CDYL: variants seen among roughly 807,000 people sequenced by gnomAD.
CDYL encodes chromodomain Y-like protein.
CDYL carries 8 observed loss-of-function variants against 47.3 expected under a neutral mutation model. That is an observed-to-expected ratio of 0.17 (90% confidence interval 0.10 to 0.31). CDYL has a LOEUF of 0.31. Ranked by LOEUF, CDYL falls within the 10% of genes least tolerant of loss-of-function variation. The probability of loss-of-function intolerance (pLI) is 1.00; values close to 1 mark genes in which losing one functional copy is unlikely to be tolerated. For synonymous variants in CDYL, 266 were observed against 265.0 expected (o/e 1.00, Z -0.04); for missense variants, 471 against 701.4 (o/e 0.67, Z 3.71).
At chr6:4,737,747 G>A (rs890223144) in intron 3 of CDYL, among the ~76,000 whole-genome samples, 4 of 152,012 alleles carry the variant, frequency 2.6e-5, no homozygotes, top group African/African-American at 4.8e-5. Flanking sequence ...GGATGGTCTC[G>A]ATCTCTTGAC....
In CDYL at chr6:4,734,800, G is replaced by A. The variant is rs750626007; in HGVS notation, c.142G>A (p.Val48Met). The A allele has an allele frequency of 7.0e-5, 113 of 1,614,150 alleles. No individual in the cohort carries two copies. The Middle Eastern group carries it at 1.2e-3, about 16-fold the overall frequency. Reference sequence around the variant, plus strand: ...TGGGCCTTCAGACCCCAGCATCTCCGTGAGCAGTGAGCAAAGCGGGGCACA... The same window carrying A: ...TGGGCCTTCAGACCCCAGCATCTCCATGAGCAGTGAGCAAAGCGGGGCACA... The change falls in exon 3 of 9, where the codon GTG (valine) becomes ATG (methionine). Residue 48 changes from valine (V) to methionine (M), a missense_variant. Transcript: ENST00000328908.
At chr6:4,910,441 A>G (rs1409312398) in intron 2 of CDYL, among the ~76,000 whole-genome samples, 3 of 152,158 alleles carry the variant, frequency 2.0e-5, no homozygotes, top group Admixed American at 6.5e-5. Context: ...CTTCTGTCCA[A>G]TTTATTAAGC....
intron 1 of CDYL, among the ~76,000 whole-genome samples, chr6:4,807,391 A>G (rs78710541): frequency 0.024 from 3,611 of 152,168 alleles, 154 homozygotes; most frequent in African/African-American, 0.083. Context: ...TATCTTGGGG[A>G]CGATAACTTT....
At chr6:4,841,707 G>T (rs1330526373) in intron 1 of CDYL, among the ~76,000 whole-genome samples, 1 of 151,914 alleles carries the variant, frequency 6.6e-6, no homozygotes, top group East Asian at 1.9e-4. Flanking sequence ...GGTTTTGAGG[G>T]TTCCTTTTTG....
intron 1 of CDYL, among the ~76,000 whole-genome samples, chr6:4,811,610 T>G (rs1185991055): frequency 2.1e-5 from 3 of 141,030 alleles, no homozygotes; most frequent in Non-Finnish European, 4.6e-5. Context: ...ACATTATTCT[T>G]TTTTTTTTTT....
At chr6:4,712,845 T>G (rs1160638882) in intron 1 of CDYL, among the ~76,000 whole-genome samples, 2 of 152,204 alleles carry the variant, frequency 1.3e-5, no homozygotes, top group Non-Finnish European at 2.9e-5. Context: ...CACTCTGCCA[T>G]TTACCAAGTA....
intron 2 of CDYL, among the ~76,000 whole-genome samples, chr6:4,900,779 G>GTGTGTATACATATATA: frequency 1.9e-5 from 1 of 51,706 alleles, no homozygotes; most frequent in African/African-American, 6.3e-5. Context: ...GTATACGTGT[G>GTGTGTATACATATATA]TATATATATA....
chr6:4,867,073 T>G (rs1317168956), intron 1 of CDYL, among the ~76,000 whole-genome samples: 1 of 152,130 alleles, frequency 6.6e-6, no homozygotes, highest in Non-Finnish European at 1.5e-5. Context: ...TTGCCATTAG[T>G]GTTTCATCGA....
chr6:4,830,200 T>C (rs945721634), intron 1 of CDYL, among the ~76,000 whole-genome samples: 13 of 152,258 alleles, frequency 8.5e-5, no homozygotes, highest in African/African-American at 3.1e-4. Flanking sequence ...AAAGGGCTTA[T>C]CACCGCACTA....
chr6:4,764,489 C>T (rs895140959), intron 3 of CDYL, among the ~76,000 whole-genome samples: 9 of 152,074 alleles, frequency 5.9e-5, no homozygotes, highest in African/African-American at 1.7e-4. Flanking sequence ...GGGGTGTCAC[C>T]ATGGTGGTCA....
intron 3 of CDYL, among the ~76,000 whole-genome samples, chr6:4,757,346 G>A (rs1041666404): frequency 6.6e-6 from 1 of 152,126 alleles, no homozygotes; most frequent in African/African-American, 2.4e-5. Flanking sequence ...TAAAACAATG[G>A]TCATGATACA....
intron 3 of CDYL, among the ~76,000 whole-genome samples, chr6:4,936,867 A>C (rs1758209676): frequency 6.6e-6 from 1 of 152,252 alleles, no homozygotes; most frequent in Non-Finnish European, 1.5e-5. Flanking sequence ...ATGGCTGTAT[A>C]AATACTAAGA....
At chr6:4,709,999 T>C (rs958625374) in intron 1 of CDYL, among the ~76,000 whole-genome samples, 1 of 152,088 alleles carries the variant, frequency 6.6e-6, no homozygotes, top group Non-Finnish European at 1.5e-5. Flanking sequence ...GGCGGGCAGA[T>C]TGTCTGTGTT....
chr6:4,710,431 A>G (rs1339603616), intron 1 of CDYL, among the ~76,000 whole-genome samples: 1 of 149,796 alleles, frequency 6.7e-6, no homozygotes, highest in East Asian at 2.0e-4. Flanking sequence ...TTTCCAGACC[A>G]ATTACATGAG....
At chr6:4,757,066 C>G (rs1370239747) in intron 3 of CDYL, among the ~76,000 whole-genome samples, 1 of 152,162 alleles carries the variant, frequency 6.6e-6, no homozygotes, top group Non-Finnish European at 1.5e-5. Context: ...GTACCTATAA[C>G]TGATTGACAT....
chr6:4,777,814 G>A (rs1336098018), intron 1 of CDYL, among the ~76,000 whole-genome samples: 1 of 152,128 alleles, frequency 6.6e-6, no homozygotes, highest in Non-Finnish European at 1.5e-5. Context: ...ATAGAATAGA[G>A]CTTTGTTGTC....
chr6:4,853,135 C>T (rs900395385), intron 1 of CDYL, among the ~76,000 whole-genome samples: 3 of 152,176 alleles, frequency 2.0e-5, no homozygotes, highest in African/African-American at 4.8e-5. Context: ...TAGTCTTTTC[C>T]TGCTTTTTGA....
chr6:4,923,609 T>C (rs979202706), intron 2 of CDYL, among the ~76,000 whole-genome samples: 3 of 152,162 alleles, frequency 2.0e-5, no homozygotes, highest in Non-Finnish European at 4.4e-5. Context: ...CCGGATCATA[T>C]GGTAGATTTA....
chr6:4,712,251 G>A (rs896583045), intron 1 of CDYL, among the ~76,000 whole-genome samples: 1 of 152,144 alleles, frequency 6.6e-6, no homozygotes. Flanking sequence ...ATGTTCATGA[G>A]AGAATTAGAA....
Sources: allele counts gnomAD v4.1 joint callset (sites outside exome capture counted in the v4.1 genomes callset), GRCh38; gene constraint gnomAD v4.1.1; transcripts MANE v1.5; gene names NCBI Gene and HGNC (gene_info 2026-07-23, HGNC 2026-07-21).